The following NUP37 variants were observed in gnomAD, a reference collection of about 807,000 sequenced individuals.
The protein encoded by NUP37 is nucleoporin 37, also known as nucleoporin Nup37.
NUP37 carries 33 observed loss-of-function variants against 45.4 expected under a neutral mutation model. That is an observed-to-expected ratio of 0.73 (90% CI 0.55 to 0.97). The LOEUF is 0.97. Ranked by LOEUF, NUP37 falls within the 50% of genes least tolerant of loss-of-function variation. NUP37 has a pLI of 0.00. For missense variants in NUP37, 365 were observed against 389.7 expected, an observed-to-expected ratio of 0.94 and a Z score of 0.53; for synonymous variants, 127 against 130.7, an observed-to-expected ratio of 0.97 and a Z score of 0.19.
intron 5 of NUP37, among the ~76,000 whole-genome samples, chr12:102,098,657 G>C (rs553560158): frequency 6.6e-6 from 1 of 151,644 alleles, no homozygotes; most frequent in Non-Finnish European, 1.5e-5. Flanking sequence ...TCAGTCCCCC[G>C]AGTAGCTGGA....
At chr12:102,077,602 A>C in intron 6 of NUP37, 99 bp from the exon 7 acceptor site, 1 of 1,169,666 alleles carries the variant, frequency 8.5e-7, no homozygotes, top group Non-Finnish European at 1.2e-6. Context: ...AAATGTAAAC[A>C]TTTGCAATAT....
intron 5 of NUP37, among the ~76,000 whole-genome samples, chr12:102,086,280 A>C (rs1356655639): frequency 6.6e-6 from 1 of 152,218 alleles, no homozygotes; most frequent in Non-Finnish European, 1.5e-5. Flanking sequence ...ATGCAAGCCG[A>C]GTATTTTTAT....
intron 5 of NUP37, among the ~76,000 whole-genome samples, chr12:102,090,142 C>A (rs1269874316): frequency 6.6e-6 from 1 of 152,138 alleles, no homozygotes; most frequent in Non-Finnish European, 1.5e-5. Flanking sequence ...AACTTTCTCT[C>A]ATTTTCTGAC....
At chr12:102,088,968 C>G (rs1213393276) in intron 5 of NUP37, among the ~76,000 whole-genome samples, 1 of 151,972 alleles carries the variant, frequency 6.6e-6, no homozygotes, top group Non-Finnish European at 1.5e-5. Context: ...CTTGCACCAC[C>G]CTTAATCCAT....
At chr12:102,079,251 AACTT>A (rs1403646924) in intron 6 of NUP37, 1 of 455,866 alleles carries the variant, frequency 2.2e-6, no homozygotes, top group African/African-American at 2.0e-5. Context: ...CAGATTCAAA[AACTT>A]ACTGTATGGC....
At chr12:102,114,952 A>C (rs1201854782) in intron 2 of NUP37, among the ~76,000 whole-genome samples, 1 of 152,184 alleles carries the variant, frequency 6.6e-6, no homozygotes, top group Non-Finnish European at 1.5e-5. Flanking sequence ...AATCAGTCTA[A>C]CTTAATGATG....
At chr12:102,087,197 G>A (rs1237862513) in intron 5 of NUP37, among the ~76,000 whole-genome samples, 1 of 152,218 alleles carries the variant, frequency 6.6e-6, no homozygotes, top group Non-Finnish European at 1.5e-5. Context: ...GGGAACCAAT[G>A]AGGTTAAACC....
chr12:102,081,524 C>T (rs908677406), intron 6 of NUP37, among the ~76,000 whole-genome samples: 4 of 152,186 alleles, frequency 2.6e-5, no homozygotes, highest in African/African-American at 9.7e-5. Context: ...AAATCTGTCA[C>T]TGTGTGACCT....
chr12:102,074,340 G>A lies in NUP37; in HGVS notation c.*14C>T, dbSNP rs761638403. On this transcript the variant is annotated 3_prime_UTR_variant, in exon 10 of 10. Transcript: ENST00000552283. Reference sequence around the variant, plus strand: ...AAAATACAAAGTTTGTGAATCTAAGGTACAGAAAACACTTTATACTTCAGT... The same window carrying A: ...AAAATACAAAGTTTGTGAATCTAAGATACAGAAAACACTTTATACTTCAGT... 81 of 1,489,976 alleles carry A rather than the reference G, an allele frequency of 5.4e-5. No individual in the cohort carries two copies. Among genetic ancestry groups the A allele is most frequent in the Non-Finnish European group, 7.4e-5 (80 of 1,074,062 alleles). 92.3% of individuals were successfully genotyped at this position (1,489,976 alleles called of 1,614,324 possible).
At chr12:102,101,956 C>T (rs1272238775) in intron 3 of NUP37, among the ~76,000 whole-genome samples, 1 of 152,112 alleles carries the variant, frequency 6.6e-6, no homozygotes, top group Non-Finnish European at 1.5e-5. Flanking sequence ...AACTCCTGAC[C>T]TCAGATGATC....
rs893976903 is a variant in NUP37, at chr12:102,080,323, G to A, written c.541-2820C>T. Among the ~76,000 whole-genome samples, 13 of 152,350 alleles carry A rather than the reference G, an allele frequency of 8.5e-5. 1 individual carries two copies. The highest frequency in any genetic ancestry group is 1.3e-4 in the Admixed American group (2 of 15,302). On this transcript the variant is annotated intron_variant, in intron 6 of 9. Transcript: ENST00000552283. The stretch of plus-strand genomic sequence containing the variant: ...TGTAGTCCCAGATACTCAGGAGGCT[G>A]AGGCAGGAGGATCACTTGAGCCTGG...
intron 5 of NUP37, among the ~76,000 whole-genome samples, chr12:102,095,917 C>A (rs1336694779): frequency 1.2e-4 from 19 of 152,074 alleles, no homozygotes; most frequent in Non-Finnish European, 1.5e-5. Flanking sequence ...TAAATCTCTA[C>A]AACTGTGCAA....
At chr12:102,085,096 A>G (rs1190773449) in intron 6 of NUP37, among the ~76,000 whole-genome samples, 1 of 152,104 alleles carries the variant, frequency 6.6e-6, no homozygotes, top group African/African-American at 2.4e-5. Flanking sequence ...TGTAACTTAA[A>G]ACAAACAACA....
chr12:102,074,478 T>C lies in NUP37; in HGVS notation c.868-11A>G, dbSNP rs1208803550. The C allele has an allele frequency of 1.3e-6, 2 of 1,531,818 alleles. No homozygotes were observed. The highest frequency in any genetic ancestry group is 2.3e-5 in the East Asian group (1 of 44,074). 94.9% of individuals were successfully genotyped at this position (1,531,818 alleles called of 1,614,324 possible). A position where few individuals can be genotyped will look rare whatever the true frequency, so the allele number is the denominator to read the frequency against. ...ACCCATGAGGATGGGCTATAAAATATGTGAAGAATTAAAGAAGCACAGTAA... is the reference window on the plus strand; with the variant it reads ...ACCCATGAGGATGGGCTATAAAATACGTGAAGAATTAAAGAAGCACAGTAA... On this transcript the variant is annotated splice_polypyrimidine_tract_variant and intron_variant, in intron 9 of 9. Transcript: ENST00000552283.
At chr12:102,115,328 C>T (rs1427634288) in intron 2 of NUP37, among the ~76,000 whole-genome samples, 1 of 152,134 alleles carries the variant, frequency 6.6e-6, no homozygotes, top group Admixed American at 6.5e-5. Context: ...TGAAATGTGG[C>T]TAGTTCTATT....
chr12:102,112,206 A>T lies in NUP37; in HGVS notation c.183T>A (p.Ile61=). The T allele has an allele frequency of 1.2e-6, 2 of 1,612,752 alleles. No individual in the cohort carries two copies. The highest frequency in any genetic ancestry group is 1.7e-6 in the Non-Finnish European group (2 of 1,179,110). Residue 61 remains isoleucine (I), a synonymous_variant, in exon 3 of 10, where the codon ATT becomes ATA. Coordinates refer to ENST00000552283, the MANE Select transcript of NUP37 (RefSeq NM_024057.4). ...FQEEEADVEG[I]QYKTLRTFHH... ...GAAATGTTCGAAGTGTTTTATACTG[A>T]ATGCCTTCAACGTCTGCTTCTTCTT... is the stretch of plus-strand genomic sequence containing the variant.
Position 102,101,041 on chromosome 12 carries a change from AT to A in NUP37, c.344del (p.Asn115MetfsTer6). On this transcript the variant is annotated frameshift_variant, in exon 4 of 10. Coordinates refer to ENST00000552283, the MANE Select transcript of NUP37 (RefSeq NM_024057.4). LOFTEE classifies it high-confidence loss of function. ...RLFTSDLQDK[N>X]EYKVLEGHTD... ...ATGGTTGTCAACATACCTTATATTC[AT>A]TTTTATCCTGAAGATCTGAAGTAAA... 1 of 1,521,742 alleles carries A rather than the reference AT, an allele frequency of 6.6e-7. No individual in the cohort carries two copies. Among genetic ancestry groups the A allele is most frequent in the South Asian group, 1.2e-5 (1 of 82,378 alleles). 94.3% of individuals were successfully genotyped at this position (1,521,742 alleles called of 1,614,324 possible). A position where few individuals can be genotyped will look rare whatever the true frequency, so the allele number is the denominator to read the frequency against.
chr12:102,107,550 C>T (rs927873766), intron 3 of NUP37, among the ~76,000 whole-genome samples: 3 of 152,166 alleles, frequency 2.0e-5, no homozygotes. Flanking sequence ...CAAGTGTGCA[C>T]ATGGACATTA....
chr12:102,103,374 TTC>T (rs1244077401), intron 3 of NUP37, among the ~76,000 whole-genome samples: 1 of 152,316 alleles, frequency 6.6e-6, no homozygotes, highest in East Asian at 1.9e-4. Context: ...TTACCTTAAT[TTC>T]TTTTTCAGAT....
Sources: gnomAD v4.1 joint callset for allele counts (sites outside exome capture counted in the v4.1 genomes callset) on GRCh38, gnomAD v4.1.1 for gene constraint, MANE v1.5 for transcripts, NCBI Gene and HGNC (gene_info 2026-07-23, HGNC 2026-07-21) for gene names.